CPED1: variants seen among roughly 807,000 people sequenced by gnomAD.
CPED1 encodes the protein cadherin-like and PC-esterase domain-containing protein 1.
Under a neutral mutation model 128.2 loss-of-function variants are expected in CPED1, and 114 were observed. That is an observed-to-expected ratio of 0.89 (90% CI 0.76 to 1.04). The LOEUF (loss-of-function observed/expected upper bound fraction) is 1.04, where lower values mean the gene tolerates loss of function less well. Ranked by LOEUF, CPED1 falls within the 50% of genes least tolerant of loss-of-function variation. The pLI is 0.00. For synonymous variants in CPED1, 462 were observed against 426.7 expected (o/e 1.08, Z -1.02); for missense variants, 1,211 against 1,207.1 (o/e 1.00, Z -0.05).
Position 121,042,606 on chromosome 7 carries a change from C to T in CPED1, c.434-4281C>T, listed in dbSNP as rs1007420402. On this transcript the variant is annotated intron_variant, in intron 3 of 22. Transcript: ENST00000310396. ...ATGTTCAAGAACATGGCCACTAGAG[C>T]TAGTTGTTTGTATCCAAATTCTCTT... Among the ~76,000 whole-genome samples, 9 of 152,120 alleles carry T rather than the reference C, an allele frequency of 5.9e-5. No homozygotes were observed. The East Asian group carries it at 1.7e-3, about 29-fold the overall frequency.
chr7:121,192,490 T>C (rs1797165364), intron 16 of CPED1, among the ~76,000 whole-genome samples: 1 of 152,166 alleles, frequency 6.6e-6, no homozygotes, highest in Admixed American at 6.6e-5. Flanking sequence ...TGAGTGTACA[T>C]GCTGCTTTGG....
chr7:121,140,796 G>A (rs1196393516), intron 14 of CPED1, 31 bp from the exon 15 acceptor site: 3 of 1,517,670 alleles, frequency 2.0e-6, no homozygotes, highest in Non-Finnish European at 2.7e-6. Context: ...CTTCACAGTT[G>A]TCTTTGTCAT....
intron 5 of CPED1, among the ~76,000 whole-genome samples, chr7:121,066,981 A>G (rs1009280267): frequency 1.3e-5 from 2 of 152,122 alleles, no homozygotes; most frequent in East Asian, 3.9e-4. Flanking sequence ...GGAGGATTGC[A>G]TAGATTATAT....
At chr7:121,265,965 T>C (rs1013482957) in intron 18 of CPED1, among the ~76,000 whole-genome samples, 2 of 151,946 alleles carry the variant, frequency 1.3e-5, no homozygotes, top group Non-Finnish European at 2.9e-5. Flanking sequence ...ATAAGGGAGA[T>C]AGAAAAATTG....
At chr7:121,140,182 A>G (rs1051774390) in intron 14 of CPED1, among the ~76,000 whole-genome samples, 9 of 152,046 alleles carry the variant, frequency 5.9e-5, no homozygotes, top group Admixed American at 1.3e-4. Context: ...AATCAATGAT[A>G]TGAAGTAATA....
chr7:121,057,445 G>C (rs1359256023), intron 4 of CPED1, among the ~76,000 whole-genome samples: 2 of 152,126 alleles, frequency 1.3e-5, no homozygotes, highest in Non-Finnish European at 2.9e-5. Flanking sequence ...CTTCTCCTCT[G>C]CAAGTCCCCA....
At chr7:121,096,560 C>T (rs2116209492) in intron 5 of CPED1, among the ~76,000 whole-genome samples, 1 of 152,230 alleles carries the variant, frequency 6.6e-6, no homozygotes, top group Middle Eastern at 3.4e-3. Flanking sequence ...GGCAATTACA[C>T]ATACCAATAC....
In CPED1 at chr7:121,127,073, CT is replaced by C; in HGVS notation, c.1135-13del. 6.5e-7 allele frequency: 1 copy of C among 1,533,364 alleles called. No individual in the cohort carries two copies. The highest frequency in any genetic ancestry group is 1.2e-5 in the South Asian group (1 of 81,668). The allele number at this position is 1,533,364 out of a possible 1,614,324, so 95.0% of individuals were successfully genotyped here. Reference sequence around the variant, plus strand: ...AAATCGATGAAAAATATTTGCTGTGCTTTTGTTCTTTCAAAGGTACACGAGC... The same window carrying C: ...AAATCGATGAAAAATATTTGCTGTGCTTTGTTCTTTCAAAGGTACACGAGC... On this transcript the variant is annotated splice_polypyrimidine_tract_variant and intron_variant, in intron 9 of 22. Transcript: ENST00000310396.
intron 3 of CPED1, among the ~76,000 whole-genome samples, chr7:121,022,242 A>T (rs914850006): frequency 6.6e-6 from 1 of 152,052 alleles, no homozygotes; most frequent in Non-Finnish European, 1.5e-5. Flanking sequence ...CTCATATTAA[A>T]CTTAGTTCAT....
chr7:121,243,624 A>T (rs1798452083), intron 17 of CPED1, among the ~76,000 whole-genome samples: 1 of 152,240 alleles, frequency 6.6e-6, no homozygotes, highest in Non-Finnish European at 1.5e-5. Context: ...CATCTAACAG[A>T]TGAAGAAATT....
At chr7:121,060,777 G>A (rs1214888679) in intron 4 of CPED1, among the ~76,000 whole-genome samples, 5 of 152,228 alleles carry the variant, frequency 3.3e-5, no homozygotes. Context: ...AGCCAGCAGT[G>A]GCAACCCGCT....
At chr7:121,141,509 A>G (rs1231972164) in intron 15 of CPED1, among the ~76,000 whole-genome samples, 1 of 152,022 alleles carries the variant, frequency 6.6e-6, no homozygotes, top group African/African-American at 2.4e-5. Context: ...TCATGGTTCC[A>G]TGCTGTAGGG....
intron 2 of CPED1, 91 bp downstream of exon 2, chr7:120,989,961 T>C (rs1400906458): frequency 1.3e-6 from 2 of 1,500,532 alleles, no homozygotes; most frequent in African/African-American, 1.4e-5. Flanking sequence ...TTAACTTCCA[T>C]GAGGTCTGAA....
intron 2 of CPED1, among the ~76,000 whole-genome samples, chr7:120,991,858 G>A (rs1266202393): frequency 6.6e-6 from 1 of 152,090 alleles, no homozygotes; most frequent in Non-Finnish European, 1.5e-5. Context: ...TATAGTTCAG[G>A]AGCCCAGTGG....
intron 16 of CPED1, among the ~76,000 whole-genome samples, chr7:121,186,026 T>C (rs1324614386): frequency 6.6e-6 from 1 of 152,204 alleles, no homozygotes; most frequent in Non-Finnish European, 1.5e-5. Flanking sequence ...ACTATTATAA[T>C]AATTTTTTTC....
At chr7:121,277,673 C>A (rs1009648776) in intron 22 of CPED1, among the ~76,000 whole-genome samples, 10 of 152,068 alleles carry the variant, frequency 6.6e-5, no homozygotes, top group African/African-American at 2.4e-4. Context: ...CTGCTGTTCC[C>A]CCTGAGCGAA....
At chr7:121,009,972 T>G (rs1158470936) in intron 2 of CPED1, among the ~76,000 whole-genome samples, 1 of 152,256 alleles carries the variant, frequency 6.6e-6, no homozygotes, top group African/African-American at 2.4e-5. Context: ...TACTTTACAT[T>G]TATGTATTCA....
intron 5 of CPED1, among the ~76,000 whole-genome samples, chr7:121,079,194 A>G (rs1205104093): frequency 6.6e-6 from 1 of 152,202 alleles, no homozygotes; most frequent in South Asian, 2.1e-4. Context: ...AATTTGGCTC[A>G]TAGCAGCCAG....
At chr7:121,257,057 T>C (rs1791899018) in intron 18 of CPED1, among the ~76,000 whole-genome samples, 1 of 151,992 alleles carries the variant, frequency 6.6e-6, no homozygotes, top group Non-Finnish European at 1.5e-5. Context: ...CAATAGATGC[T>C]ACAGACTACT....
Sources: gnomAD v4.1 joint callset for allele counts (sites outside exome capture counted in the v4.1 genomes callset) on GRCh38, gnomAD v4.1.1 for gene constraint, MANE v1.5 for transcripts, NCBI Gene and HGNC (gene_info 2026-07-23, HGNC 2026-07-21) for gene names.